The following TENM2 variants were observed in gnomAD, a reference collection of about 807,000 sequenced individuals.
TENM2 encodes the protein teneurin transmembrane protein 2.
TENM2 carries 52 observed loss-of-function variants against 245.2 expected under a neutral mutation model. That is an observed-to-expected ratio of 0.21 (90% CI 0.17 to 0.27). The LOEUF is 0.27. TENM2 is among the 10% of genes least tolerant of loss of function. The pLI is 1.00. For missense variants in TENM2, 3,046 were observed against 3,666.8 expected (o/e 0.83, Z 4.37); for synonymous variants, 1,363 against 1,438.9 (o/e 0.95, Z 1.19).
the TENM2 span, among the ~76,000 whole-genome samples, chr5:167,163,125 G>C: frequency 6.6e-6 from 1 of 151,928 alleles, no homozygotes; most frequent in Non-Finnish European, 1.5e-5. Flanking sequence ...TTCAGAGGTG[G>C]GGGGTCTCAC....
intron 2 of TENM2, among the ~76,000 whole-genome samples, chr5:167,601,252 A>G (rs962818666): frequency 1.3e-5 from 2 of 152,252 alleles, no homozygotes; most frequent in African/African-American, 2.4e-5. Context: ...ACAGTGACGA[A>G]AACATTCTAA....
upstream of TENM2, among the ~76,000 whole-genome samples, chr5:167,280,748 A>ATCTGTCTG (rs77482566): frequency 0.017 from 2,312 of 132,216 alleles, 26 homozygotes; most frequent in African/African-American, 0.027. Context: ...CTGTCTGTCT[A>ATCTGTCTG]TCTGTCTGTC....
intron 2 of TENM2, among the ~76,000 whole-genome samples, chr5:167,705,964 GTT>G (rs1491243414): frequency 3.8e-5 from 3 of 79,360 alleles, no homozygotes. Context: ...TCAAGGCTGG[GTT>G]ATATATATAT....
the TENM2 span, among the ~76,000 whole-genome samples, chr5:167,193,032 A>G: frequency 6.6e-6 from 1 of 152,080 alleles, no homozygotes; most frequent in East Asian, 1.9e-4. Flanking sequence ...TTGAATCTGC[A>G]TTGCTACCAC....
At chr5:167,406,259 G>C (rs991767528) in intron 2 of TENM2, among the ~76,000 whole-genome samples, 1 of 152,114 alleles carries the variant, frequency 6.6e-6, no homozygotes, top group Non-Finnish European at 1.5e-5. Flanking sequence ...TGATGGGTTT[G>C]CTTTAGTTTC....
At chr5:167,511,941 T>G (rs907711611) in intron 2 of TENM2, among the ~76,000 whole-genome samples, 1 of 152,170 alleles carries the variant, frequency 6.6e-6, no homozygotes, top group Non-Finnish European at 1.5e-5. Flanking sequence ...GTGGAAGCAG[T>G]CTTAGAAAGT....
At chr5:167,758,041 T>G (rs1447567016) in intron 2 of TENM2, among the ~76,000 whole-genome samples, 1 of 152,214 alleles carries the variant, frequency 6.6e-6, no homozygotes, top group Non-Finnish European at 1.5e-5. Context: ...TGCAAAGTGA[T>G]GTAGAATCTA....
the TENM2 span, among the ~76,000 whole-genome samples, chr5:167,086,598 C>G: frequency 1.3e-5 from 2 of 151,878 alleles, no homozygotes; most frequent in East Asian, 3.9e-4. Flanking sequence ...TTTTTTTAAA[C>G]GTAATTGGGA....
intron 19 of TENM2, 98 bp from the exon 22 acceptor site, chr5:168,211,636 C>G (rs1171558755): frequency 1.1e-5 from 8 of 741,562 alleles, no homozygotes; most frequent in Non-Finnish European, 1.5e-5. Flanking sequence ...CTTTTTTGGG[C>G]CCCTTTATAC....
intron 1 of TENM2, among the ~76,000 whole-genome samples, chr5:167,352,377 T>G (rs1293795485): frequency 6.6e-6 from 1 of 152,246 alleles, no homozygotes; most frequent in Non-Finnish European, 1.5e-5. Flanking sequence ...GTGACCTTGT[T>G]GAAATTTTTA....
chr5:168,026,845 T>C (rs1424654958), intron 5 of TENM2, among the ~76,000 whole-genome samples: 3 of 152,066 alleles, frequency 2.0e-5, no homozygotes, highest in African/African-American at 7.2e-5. Context: ...TACACCACAG[T>C]GAACCAAACA....
intron 2 of TENM2, among the ~76,000 whole-genome samples, chr5:167,597,031 C>G (rs569148932): frequency 1.4e-4 from 22 of 152,076 alleles, no homozygotes; most frequent in Non-Finnish European, 3.2e-4. Flanking sequence ...GAGCTCAGTC[C>G]TTCAGTTTTC....
At chr5:167,300,685 G>A (rs1755256084) in intron 1 of TENM2, among the ~76,000 whole-genome samples, 1 of 152,016 alleles carries the variant, frequency 6.6e-6, no homozygotes, top group Non-Finnish European at 1.5e-5. Flanking sequence ...GATGGTAAGG[G>A]GTGCATGATT....
chr5:167,059,130 C>T, the TENM2 span, among the ~76,000 whole-genome samples: 5 of 152,238 alleles, frequency 3.3e-5, no homozygotes, highest in Admixed American at 1.3e-4. Flanking sequence ...TGTGAATATG[C>T]AGCATATGAA....
chr5:168,236,635 T>C lies in TENM2; in HGVS notation c.5521-7785T>C, dbSNP rs546704977. Among the ~76,000 whole-genome samples, 5 of 152,130 alleles carry C rather than the reference T, an allele frequency of 3.3e-5. No individual in the cohort carries two copies. The East Asian group carries it at 9.7e-4, about 30-fold the overall frequency. ...TCTACTGCCATTACCACACTAAAAA[T>C]GGTTTTTGTTGTTGGCTCACCTGTC... On this transcript the variant is annotated intron_variant, in intron 25 of 28. Transcript: ENST00000518659.
intron 2 of TENM2, among the ~76,000 whole-genome samples, chr5:167,598,768 G>T (rs1582498840): frequency 6.6e-6 from 1 of 151,710 alleles, no homozygotes; most frequent in South Asian, 2.1e-4. Flanking sequence ...TTTAATGTCG[G>T]AGGCAATGAG....
At chr5:168,243,595 C>T (rs115241030) in intron 25 of TENM2, among the ~76,000 whole-genome samples, 98 of 152,310 alleles carry the variant, frequency 6.4e-4, no homozygotes, top group Non-Finnish European at 1.3e-3. Context: ...AATTATGGCA[C>T]CTGTTCTTAA....
intron 2 of TENM2, among the ~76,000 whole-genome samples, chr5:167,403,662 T>C (rs1262540223): frequency 6.6e-6 from 1 of 152,156 alleles, no homozygotes; most frequent in Non-Finnish European, 1.5e-5. Flanking sequence ...AAAATATACG[T>C]GGCAACTTCT....
At chr5:167,781,318 A>G (rs1474578413) in intron 2 of TENM2, among the ~76,000 whole-genome samples, 2 of 152,236 alleles carry the variant, frequency 1.3e-5, no homozygotes, top group African/African-American at 4.8e-5. Context: ...GGTCTTGTAA[A>G]TTCCATGTTA....
Sources: gnomAD v4.1 joint callset for allele counts (sites outside exome capture counted in the v4.1 genomes callset) on GRCh38, gnomAD v4.1.1 for gene constraint, MANE v1.5 for transcripts, NCBI Gene and HGNC (gene_info 2026-07-23, HGNC 2026-07-21) for gene names.